Variants in FMN1 observed in about 807,000 individuals in gnomAD.
FMN1 encodes formin-1.
In FMN1, 110 loss-of-function variants were observed where a neutral mutation model predicts 132.4. The ratio of observed to expected loss-of-function variants is 0.83; its 90% CI spans 0.71 to 0.97. The LOEUF is 0.97. Among genes scored for constraint, FMN1 ranks in the 50% least tolerant of loss-of-function variants. FMN1 has a pLI of 0.00. For synonymous variants in FMN1, 722 were observed against 651.7 expected (o/e 1.11, Z -1.64); for missense variants, 1,792 against 1,705.3 (o/e 1.05, Z -0.90).
intron 19 of FMN1, among the ~76,000 whole-genome samples, chr15:32,790,116 G>A (rs535986611): frequency 1.3e-5 from 2 of 152,358 alleles, no homozygotes; most frequent in East Asian, 1.9e-4. Context: ...AGAGACTGGA[G>A]TAGACCAAGC....
chr15:33,024,223 A>ATTTTTTTTTTTTTTTTTTTTT (rs555760509), intron 6 of FMN1, among the ~76,000 whole-genome samples: 5 of 88,018 alleles, frequency 5.7e-5, no homozygotes, highest in East Asian at 9.6e-4. Flanking sequence ...CACCTATCAG[A>ATTTTTTTTTTTTTTTTTTTTT]TTTTTTTTTT....
chr15:32,863,046 T>A (rs953910242), intron 16 of FMN1, among the ~76,000 whole-genome samples: 14 of 152,226 alleles, frequency 9.2e-5, no homozygotes, highest in Admixed American at 3.9e-4. Context: ...CAAATTCTTG[T>A]ATTATATCAA....
intron 6 of FMN1, among the ~76,000 whole-genome samples, chr15:33,015,025 G>T (rs1015446828): frequency 1.1e-4 from 17 of 152,198 alleles, no homozygotes; most frequent in African/African-American, 3.9e-4. Context: ...ATCATATCGA[G>T]ACTTACTTTA....
At chr15:32,968,331 G>T (rs1034471076) in intron 8 of FMN1, among the ~76,000 whole-genome samples, 4 of 152,140 alleles carry the variant, frequency 2.6e-5, no homozygotes, top group Admixed American at 1.3e-4. Context: ...ACAGTAAAAA[G>T]AATTCTAAAA....
intron 9 of FMN1, among the ~76,000 whole-genome samples, chr15:32,931,815 A>G (rs2061125553): frequency 6.6e-6 from 1 of 152,160 alleles, no homozygotes; most frequent in Admixed American, 6.5e-5. Flanking sequence ...CCTTGATTAT[A>G]ATATTAGCTT....
chr15:33,031,806 T>C (rs140564246), intron 6 of FMN1, among the ~76,000 whole-genome samples: 90 of 152,282 alleles, frequency 5.9e-4, no homozygotes, highest in African/African-American at 2.0e-3. Context: ...GTCACAGAAA[T>C]AGGAAGTCAC....
chr15:32,923,462 C>G (rs896441349), intron 10 of FMN1, among the ~76,000 whole-genome samples: 14 of 152,092 alleles, frequency 9.2e-5, no homozygotes, highest in Non-Finnish European at 1.8e-4. Flanking sequence ...CATTACTAAA[C>G]GAAGAAATGG....
rs2036197600 is a variant in FMN1, at chr15:33,036,464, C to CA, written c.2162-28390dup. ...TTCTGTTCATTCCAAAGTGAATCCTCATTCAAGTACTTAGAAATGTCCCTA... is the reference window on the plus strand; with the variant it reads ...TTCTGTTCATTCCAAAGTGAATCCTCAATTCAAGTACTTAGAAATGTCCCTA... On this transcript the variant is annotated intron_variant, in intron 6 of 20. Transcript: ENST00000616417. Among the ~76,000 whole-genome samples, 4 of 152,276 alleles carry CA rather than the reference C, an allele frequency of 2.6e-5. No individual in the cohort carries two copies. In the South Asian group the frequency reaches 8.3e-4, roughly 32 times the overall value.
chr15:33,108,725 G>A (rs1378980412), intron 4 of FMN1, among the ~76,000 whole-genome samples: 2 of 152,094 alleles, frequency 1.3e-5, no homozygotes, highest in African/African-American at 4.8e-5. Context: ...CTCACCAAGA[G>A]GGATTTAATT....
chr15:33,040,913 C>T (rs1379806682), intron 6 of FMN1, among the ~76,000 whole-genome samples: 2 of 152,174 alleles, frequency 1.3e-5, no homozygotes, highest in Admixed American at 1.3e-4. Context: ...ACTACAGAGT[C>T]ACTGGATACT....
chr15:32,936,686 G>A (rs1373872247), intron 9 of FMN1, among the ~76,000 whole-genome samples: 1 of 151,284 alleles, frequency 6.6e-6, no homozygotes, highest in East Asian at 1.9e-4. Context: ...GGAGAAAGAA[G>A]GAAGGAAGGA....
chr15:32,990,962 G>A (rs865808979), intron 7 of FMN1, among the ~76,000 whole-genome samples: 2 of 152,106 alleles, frequency 1.3e-5, no homozygotes, highest in Admixed American at 6.5e-5. Context: ...TGACACGTAC[G>A]GATTATGGGA....
chr15:33,123,988 A>AT (rs1962811706), intron 4 of FMN1, among the ~76,000 whole-genome samples: 1 of 152,226 alleles, frequency 6.6e-6, no homozygotes, highest in Admixed American at 6.5e-5. Flanking sequence ...CTCAGTAACC[A>AT]TAGCTACTAA....
At chr15:33,093,395 G>C (rs900227096) in intron 4 of FMN1, among the ~76,000 whole-genome samples, 1 of 152,176 alleles carries the variant, frequency 6.6e-6, no homozygotes, top group African/African-American at 2.4e-5. Context: ...CAGCAATCTA[G>C]ATGTACAGCT....
intron 16 of FMN1, 61 bp downstream of exon 16, chr15:32,888,111 T>C (rs184530990): frequency 2.0e-4 from 288 of 1,446,148 alleles, no homozygotes; most frequent in African/African-American, 4.1e-4. Flanking sequence ...AATAATCCTC[T>C]TAAAACATTT....
At chr15:33,074,281 G>A (rs1265694309) in intron 5 of FMN1, among the ~76,000 whole-genome samples, 1 of 152,124 alleles carries the variant, frequency 6.6e-6, no homozygotes, top group African/African-American at 2.4e-5. Flanking sequence ...TAATTCACAG[G>A]AATATAAAGC....
intron 6 of FMN1, among the ~76,000 whole-genome samples, chr15:33,038,938 T>G (rs1187282724): frequency 6.6e-6 from 1 of 152,162 alleles, no homozygotes; most frequent in Non-Finnish European, 1.5e-5. Flanking sequence ...TGTAGCACCC[T>G]CCTATATACA....
intron 16 of FMN1, among the ~76,000 whole-genome samples, chr15:32,862,069 A>C (rs1192349513): frequency 6.6e-6 from 1 of 152,182 alleles, no homozygotes; most frequent in Non-Finnish European, 1.5e-5. Flanking sequence ...CCCGGAGGCC[A>C]GGCAGCTTGC....
At position 33,155,044 on chromosome 15, in the gene FMN1, G is replaced by A. The variant is rs1964616548; in HGVS notation, c.-130C>T. 4.4e-6 allele frequency: 3 copies of A among 674,440 alleles called. No individual in the cohort carries two copies. Among genetic ancestry groups the A allele is most frequent in the Non-Finnish European group, 7.4e-6 (3 of 405,838 alleles). 41.8% of individuals were successfully genotyped at this position (674,440 alleles called of 1,614,324 possible). ...GACAGTCATCTCCAGCAATGAGACT[G>A]CCTGTTAGAGGAACAGGGGAAGAAA... On this transcript the variant is annotated splice_region_variant and 5_prime_UTR_variant, in exon 4 of 21. Transcript: ENST00000616417.
Sources: gnomAD v4.1 joint callset for allele counts (sites outside exome capture counted in the v4.1 genomes callset) on GRCh38, gnomAD v4.1.1 for gene constraint, MANE v1.5 for transcripts, NCBI Gene and HGNC (gene_info 2026-07-23, HGNC 2026-07-21) for gene names.